The following FRRS1L variants were observed in gnomAD, a reference collection of about 807,000 sequenced individuals.
FRRS1L encodes the protein DOMON domain-containing protein FRRS1L.
Under a neutral mutation model 28.6 loss-of-function variants are expected in FRRS1L, and 22 were observed. The ratio of observed to expected loss-of-function variants is 0.77; its 90% CI spans 0.55 to 1.10. FRRS1L has a LOEUF of 1.10. FRRS1L is among the 50% of genes least tolerant of loss of function. The probability of loss-of-function intolerance (pLI) is 0.00; values close to 1 mark genes in which losing one functional copy is unlikely to be tolerated. For synonymous variants in FRRS1L, 158 were observed against 151.4 expected, an observed-to-expected ratio of 1.04 and a Z score of -0.32; for missense variants, 380 against 386.9, an observed-to-expected ratio of 0.98 and a Z score of 0.15.
At position 109,133,554 on chromosome 9, in the gene FRRS1L, G is replaced by A. The variant is rs1831080206; in HGVS notation, c.*3901C>T. On this transcript the variant is annotated 3_prime_UTR_variant, in exon 5 of 5. Coordinates refer to ENST00000561981, the MANE Select transcript of FRRS1L (RefSeq NM_014334.4). ...CATATCACCTCCTTAGGCTTCAGCT[G>A]CACCTCTGTAAAATAAGAGCATTGG... 6.6e-6 allele frequency: 1 copy of A among 152,206 alleles called. No individual in the cohort carries two copies. The highest frequency in any genetic ancestry group is 6.5e-5 in the Admixed American group (1 of 15,276). 9.4% of individuals were successfully genotyped at this position (152,206 alleles called of 1,614,324 possible). A position where few individuals can be genotyped will look rare whatever the true frequency, so the allele number is the denominator to read the frequency against.
chr9:109,145,279 G>A (rs1359763169), intron 3 of FRRS1L, among the ~76,000 whole-genome samples: 1 of 152,220 alleles, frequency 6.6e-6, no homozygotes, highest in Non-Finnish European at 1.5e-5. Context: ...GCCTGTGCCT[G>A]GCCACAGTCC....
intron 3 of FRRS1L, among the ~76,000 whole-genome samples, chr9:109,143,760 CT>C (rs1401019045): frequency 6.6e-6 from 1 of 152,074 alleles, no homozygotes; most frequent in East Asian, 1.9e-4. Context: ...GGGGATCCGC[CT>C]GCCTCGGCCT....
chr9:109,149,651 G>C lies in FRRS1L; in HGVS notation c.308C>G (p.Thr103Ser), dbSNP rs756282891. The C allele has an allele frequency of 6.2e-7, 1 of 1,612,342 alleles. No individual in the cohort carries two copies. The highest frequency in any genetic ancestry group is 8.5e-7 in the Non-Finnish European group (1 of 1,178,426). ...AKIKVDDCGK[T>S]KGCFRYGKPG... ...TTCCACCAACCTAAAGCATCCCTTAGTTTTTCCACAGTCGTCCACTTTGAT... is the reference window on the plus strand; with the variant it reads ...TTCCACCAACCTAAAGCATCCCTTACTTTTTCCACAGTCGTCCACTTTGAT... Residue 103 changes from threonine (T) to serine (S), a missense_variant, in exon 2 of 5, where the codon ACT becomes AGT. Transcript: ENST00000561981.
At chr9:109,161,887 G>A (rs1473941789) in intron 1 of FRRS1L, among the ~76,000 whole-genome samples, 1 of 152,142 alleles carries the variant, frequency 6.6e-6, no homozygotes, top group Non-Finnish European at 1.5e-5. Context: ...GTATCGAGGG[G>A]TTTTATAAGG....
chr9:109,158,278 T>C (rs1373896333), intron 1 of FRRS1L, among the ~76,000 whole-genome samples: 3 of 152,234 alleles, frequency 2.0e-5, no homozygotes, highest in Non-Finnish European at 1.5e-5. Context: ...TTCGAGTGTA[T>C]TGGCATAAAA....
rs576971862 is a variant in FRRS1L at position 109,153,394 on chromosome 9, G to C, written c.239-3674C>G. ...ACTCTGGACACTGCGGCCCAGTGCA[G>C]CTTCCTGGTTGAACACATCGATGTG... On this transcript the variant is annotated intron_variant, in intron 1 of 4. Coordinates refer to ENST00000561981, the MANE Select transcript of FRRS1L (RefSeq NM_014334.4). Among the ~76,000 whole-genome samples the C allele has an allele frequency of 1.6e-4, 24 of 152,284 alleles. No homozygotes were observed. The South Asian group carries it at 4.1e-3, about 26-fold the overall frequency.
chr9:109,141,075 C>A, intron 4 of FRRS1L: 1 of 506,982 alleles, frequency 2.0e-6, no homozygotes, highest in African/African-American at 1.9e-5. Context: ...GATACATGAT[C>A]TGTTTCATTA....
intron 1 of FRRS1L, among the ~76,000 whole-genome samples, chr9:109,152,805 A>C (rs1472405348): frequency 2.1e-5 from 1 of 47,546 alleles, no homozygotes; most frequent in Admixed American, 2.3e-4. Context: ...CTCCATCTCA[A>C]AAAAAAAAAA....
intron 3 of FRRS1L, among the ~76,000 whole-genome samples, chr9:109,146,129 G>A (rs1831257358): frequency 6.6e-6 from 1 of 151,048 alleles, no homozygotes; most frequent in Non-Finnish European, 1.5e-5. Flanking sequence ...CCTGGGAGGT[G>A]CAGGCTGCAA....
chr9:109,150,976 T>A (rs1831323743), intron 1 of FRRS1L: 1 of 152,246 alleles, frequency 6.6e-6, no homozygotes, highest in Admixed American at 6.5e-5. Context: ...TTGTTATTTT[T>A]AAGTTTTTTC....
rs139013989 is a variant in FRRS1L, at chr9:109,160,537, C to G, written c.238+6364G>C. Among the ~76,000 whole-genome samples, 108 of 152,104 alleles carry G rather than the reference C, an allele frequency of 7.1e-4. 2 individuals carry two copies. The East Asian group carries it at 0.021, about 30-fold the overall frequency. ...GTGTAGCTGGGACCACAGCTGTGTG[C>G]CACCATGACTGGCTAACTTTTTTAT... On this transcript the variant is annotated intron_variant, in intron 1 of 4. Transcript: ENST00000561981.
Position 109,147,159 on chromosome 9 carries a change from G to A in FRRS1L, c.354C>T (p.Thr118=), listed in dbSNP as rs1831273598. Residue 118 remains threonine, a synonymous_variant, in exon 3 of 5, where the codon ACC becomes ACT. Transcript: ENST00000561981. ...RYGKPGCNAE[T]CDYFLSYRMI... ...TCCGGTAGCTGAGGAAATAGTCACA[G>A]GTCTCTGCATTACAGCCTGGTTTGC... 4 of 1,613,346 alleles carry A rather than the reference G, an allele frequency of 2.5e-6. No individual in the cohort carries two copies. The highest frequency in any genetic ancestry group is 1.3e-5 in the African/African-American group (1 of 74,888).
At position 109,137,721 on chromosome 9, in the gene FRRS1L, G is replaced by C. The variant is rs959630675; in HGVS notation, c.710-94C>G. 1.1e-4 allele frequency: 77 copies of C among 710,556 alleles called. No individual in the cohort carries two copies. The East Asian group carries it at 2.0e-3, about 19-fold the overall frequency. 44.0% of individuals were successfully genotyped at this position (710,556 alleles called of 1,614,324 possible). A position where few individuals can be genotyped will look rare whatever the true frequency, so the allele number is the denominator to read the frequency against. ...AATGGAAAAATCAAAAGTCTATTTA[G>C]TGTTGAATACGTAAGCAGTGGTTAC... On this transcript the variant is annotated intron_variant, in intron 4 of 4. Coordinates refer to ENST00000561981, the MANE Select transcript of FRRS1L (RefSeq NM_014334.4).
chr9:109,162,594 C>T (rs1831492140), intron 1 of FRRS1L, among the ~76,000 whole-genome samples: 1 of 152,158 alleles, frequency 6.6e-6, no homozygotes, highest in South Asian at 2.1e-4. Context: ...GGACAAGGTA[C>T]CCTAAAGCGG....
At chr9:109,141,634 C>T in intron 3 of FRRS1L, 45 bp from the exon 4 acceptor site, 1 of 1,575,608 alleles carries the variant, frequency 6.3e-7, no homozygotes, top group South Asian at 1.1e-5. Flanking sequence ...AAAGGTTCAT[C>T]TTTTGCACAC....
chr9:109,148,835 A>G (rs1335834920), intron 2 of FRRS1L, among the ~76,000 whole-genome samples: 1 of 152,210 alleles, frequency 6.6e-6, no homozygotes, highest in Non-Finnish European at 1.5e-5. Flanking sequence ...ATTGCTGACC[A>G]TCTTCCTCAA....
At chr9:109,150,724 C>T (rs1831321182) in intron 1 of FRRS1L, 1 of 152,180 alleles carries the variant, frequency 6.6e-6, no homozygotes, top group Non-Finnish European at 1.5e-5. Flanking sequence ...TCAAACCATA[C>T]ATTGAAGGGT....
intron 4 of FRRS1L, chr9:109,141,131 ATGTG>A (rs1282442794): frequency 6.7e-6 from 4 of 596,470 alleles, no homozygotes; most frequent in Non-Finnish European, 1.2e-5. Context: ...GTAGCTTTGC[ATGTG>A]TGTAACTGTT....
intron 1 of FRRS1L, among the ~76,000 whole-genome samples, chr9:109,162,652 T>C (rs1831492869): frequency 6.6e-6 from 1 of 152,246 alleles, no homozygotes; most frequent in Non-Finnish European, 1.5e-5. Flanking sequence ...TAATTGGTAT[T>C]ATGATCAGGC....
Sources: allele counts gnomAD v4.1 joint callset (sites outside exome capture counted in the v4.1 genomes callset), GRCh38; gene constraint gnomAD v4.1.1; transcripts MANE v1.5; gene names NCBI Gene and HGNC (gene_info 2026-07-23, HGNC 2026-07-21).